IFRD2: variants seen among roughly 807,000 people sequenced by gnomAD.
IFRD2 encodes interferon related developmental regulator 2.
In IFRD2, 35 loss-of-function variants were observed where a neutral mutation model predicts 49.2. That is an observed-to-expected ratio of 0.71 (90% CI 0.54 to 0.94). The LOEUF is 0.94. Among genes scored for constraint, IFRD2 ranks in the 40% least tolerant of loss-of-function variants. The pLI is 0.00. For missense variants in IFRD2, 561 were observed against 591.6 expected, an observed-to-expected ratio of 0.95 and a Z score of 0.54; for synonymous variants, 275 against 239.7, an observed-to-expected ratio of 1.15 and a Z score of -1.36.
In IFRD2 at chr3:50,288,997, G is replaced by A; in HGVS notation, c.886-60C>T. 4 of 1,584,184 alleles carry A rather than the reference G, an allele frequency of 2.5e-6. No individual in the cohort carries two copies. The East Asian group carries it at 9.1e-5, about 36-fold the overall frequency. On this transcript the variant is annotated intron_variant, in intron 8 of 11. Coordinates refer to ENST00000417626, the MANE Select transcript of IFRD2 (RefSeq NM_006764.5). The stretch of plus-strand genomic sequence containing the variant: ...GCTTGAGCTCTGCTGGCTCTGAACA[G>A]GGCACTGCCCAAACCCCTCCTTTCA...
chr3:50,288,240 C>T lies in IFRD2; in HGVS notation c.1280G>A (p.Arg427Gln), dbSNP rs199751197. The stretch of plus-strand genomic sequence containing the variant: ...CCGCACACGGCTTCGAGCCTTGGTC[C>T]GGGCTTTGAAGGCAGCAGCATTGTA... ...HLYNAAAFKARTKARSRVRDK... is the reference protein window; with the variant it reads ...HLYNAAAFKAQTKARSRVRDK... The change falls in exon 12 of 12, where the codon CGG becomes CAG. Residue 427 changes from arginine (R) to glutamine (Q), a missense_variant. Arg to Gln is a conservative substitution (Grantham distance 43). Transcript: ENST00000417626. The T allele has an allele frequency of 2.7e-5, 43 of 1,613,884 alleles. 1 individual carries two copies. The highest frequency in any genetic ancestry group is 4.5e-5 in the East Asian group (2 of 44,874).
chr3:50,289,846 A>G lies in IFRD2; in HGVS notation c.546+83T>C, dbSNP rs77775839. 1.1e-3 allele frequency: 1,678 copies of G among 1,591,584 alleles called. 14 individuals carry two copies. The African/African-American group carries it at 0.02, about 19-fold the overall frequency. On this transcript the variant is annotated intron_variant, in intron 5 of 11. Coordinates refer to ENST00000417626, the MANE Select transcript of IFRD2 (RefSeq NM_006764.5). Reference sequence around the variant, plus strand: ...CTGGAGCTCACTCCCCTCAGAGTAAAGGAGGCTGAAGATAGGGGGAACCCA... The same window carrying G: ...CTGGAGCTCACTCCCCTCAGAGTAAGGGAGGCTGAAGATAGGGGGAACCCA...
rs1352303115 is a variant in IFRD2, at chr3:50,288,408, CCTT to C, written c.1246_1248del (p.Lys416del). On this transcript the variant is annotated inframe_deletion and splice_region_variant, in exon 11 of 12. Transcript: ENST00000417626. The stretch of plus-strand genomic sequence containing the variant: ...AGAGAAAGGTGCCCAAGGGTGCAAA[CCTT>C]CTCAAAGCGTGGAACCTTGCAGGCC... The C allele has an allele frequency of 1.9e-6, 3 of 1,612,014 alleles. No individual in the cohort carries two copies. The highest frequency in any genetic ancestry group is 2.7e-5 in the African/African-American group (2 of 74,898).
chr3:50,291,893 A>G, intron 1 of IFRD2: 1 of 352,266 alleles, frequency 2.8e-6, no homozygotes, highest in Non-Finnish European at 5.2e-6. Flanking sequence ...AGTCCAGGAA[A>G]GGATCAGGGT....
At chr3:50,289,096 T>C in intron 8 of IFRD2, 159 bp from the exon 9 acceptor site, 1 of 1,181,202 alleles carries the variant, frequency 8.5e-7, no homozygotes, top group Non-Finnish European at 1.2e-6. Context: ...ACACCACTGC[T>C]GAGGGCACCC....
In IFRD2 at chr3:50,289,949, T is replaced by C. The variant is rs587602168; in HGVS notation, c.526A>G (p.Ser176Gly). 7.4e-6 allele frequency: 12 copies of C among 1,613,236 alleles called. No individual in the cohort carries two copies. In the South Asian group the frequency reaches 9.9e-5, roughly 13 times the overall value. Residue 176 changes from serine to glycine, a missense_variant, in exon 5 of 12, where the codon AGC (serine) becomes GGC (glycine). Physicochemically the swap from Ser to Gly is moderately conservative, Grantham distance 56. Transcript: ENST00000417626. ...LVSVLSDSTA[S>G]PAARLHCASA... ...CTCACGTGGAGCCGGGCAGCAGGGCTAGCTGTGCTGTCACTGAGCACAGAG... is the reference window on the plus strand; with the variant it reads ...CTCACGTGGAGCCGGGCAGCAGGGCCAGCTGTGCTGTCACTGAGCACAGAG...
At chr3:50,289,422 C>T (rs782269624) in intron 7 of IFRD2, 25 bp downstream of exon 7, 5 of 1,568,814 alleles carry the variant, frequency 3.2e-6, no homozygotes, top group Admixed American at 3.8e-5. Context: ...ATCCCCTCCC[C>T]CTCCCAGTGG....
Position 50,288,048 on chromosome 3 carries a change from A to G in IFRD2, c.*143T>C, listed in dbSNP as rs1025125129. The G allele has an allele frequency of 2.6e-6, 2 of 760,768 alleles. No individual in the cohort carries two copies. The highest frequency in any genetic ancestry group is 3.5e-5 in the African/African-American group (2 of 57,702). 47.1% of individuals were successfully genotyped at this position (760,768 alleles called of 1,614,324 possible). ...CAGGGTCCCAAGTGTCCGGGCCCCC[A>G]GCTACCCACCCCATGTCTGTTTTTG... is the stretch of plus-strand genomic sequence containing the variant. On this transcript the variant is annotated 3_prime_UTR_variant, in exon 12 of 12. Transcript: ENST00000417626.
intron 1 of IFRD2, chr3:50,291,928 C>T (rs782666672): frequency 1.6e-5 from 7 of 449,598 alleles, no homozygotes; most frequent in Non-Finnish European, 2.8e-5. Context: ...GGCTTCCTGC[C>T]CTGTCCGGTG....
chr3:50,291,082 G>A (rs1248246724), intron 1 of IFRD2, among the ~76,000 whole-genome samples: 1 of 148,626 alleles, frequency 6.7e-6, no homozygotes, highest in African/African-American at 2.5e-5. Context: ...ACGCCATCTC[G>A]GCTCACTGCG....
At chr3:50,289,054 T>C (rs1315983473) in intron 8 of IFRD2, 117 bp from the exon 9 acceptor site, 2 of 1,412,936 alleles carry the variant, frequency 1.4e-6, no homozygotes, top group Non-Finnish European at 1.9e-6. Flanking sequence ...GCCTGGCCCC[T>C]TTGACCCCTC....
chr3:50,289,813 T>G, intron 5 of IFRD2, 51 bp from the exon 6 acceptor site: 1 of 1,586,894 alleles, frequency 6.3e-7, no homozygotes, highest in South Asian at 1.1e-5. Context: ...GAACCTGGGT[T>G]CCCAGCCCTG....
rs782059087 is a variant in IFRD2 at position 50,290,261 on chromosome 3, C to T, written c.297G>A (p.Leu99=). ...AKTRQGALES[L]RLALASRLLP... is the part of the protein sequence containing the mutation. ...GTAGGCGGGACGCTAGGGCCAGGCG[C>T]AGGCTCTCAAGAGCACCCTGCCGGG... The change falls in exon 4 of 12, where the codon CTG becomes CTA. Residue 99 remains leucine (L), a synonymous_variant. Transcript: ENST00000417626. 4 of 1,612,504 alleles carry T rather than the reference C, an allele frequency of 2.5e-6. No homozygotes were observed. In the African/African-American group the frequency reaches 5.3e-5, roughly 22 times the overall value.
rs1254245792 is a variant in IFRD2 at position 50,290,675 on chromosome 3, G to A, written c.63C>T (p.Ala21=). Residue 21 remains alanine (A), a synonymous_variant, in exon 2 of 12, where the codon GCC becomes GCT. Transcript: ENST00000417626. ...CCGAGTCAGCTTGGGCACTGCTCCG[G>A]GCACCTGGAGAAGGTGGAATAGGAC... ...RKGGQRRGGG[A]RSSAQADSGS... The A allele has an allele frequency of 1.2e-6, 2 of 1,613,374 alleles. No homozygotes were observed. Among genetic ancestry groups the A allele is most frequent in the Non-Finnish European group, 1.7e-6 (2 of 1,179,730 alleles).
intron 8 of IFRD2, 135 bp from the exon 9 acceptor site, chr3:50,289,072 TC>T (rs1473401256): frequency 1.5e-6 from 2 of 1,325,636 alleles, no homozygotes; most frequent in Non-Finnish European, 2.1e-6. Context: ...CTCCTTGGCC[TC>T]TGTCAGGCCA....
intron 5 of IFRD2, 57 bp from the exon 6 acceptor site, chr3:50,289,819 C>G: frequency 6.3e-7 from 1 of 1,585,492 alleles, no homozygotes; most frequent in Non-Finnish European, 8.6e-7. Flanking sequence ...GGGTTCCCAG[C>G]CCTGGAGCTC....
Position 50,288,820 on chromosome 3 carries a change from C to A in IFRD2, c.1003G>T (p.Ala335Ser), listed in dbSNP as rs587761145. ...CACACCTCCACGGAGTGCAGCACGGCGCGGAAAGTAGAGCGCTGGCGCCGA... is the reference window on the plus strand; with the variant it reads ...CACACCTCCACGGAGTGCAGCACGGAGCGGAAAGTAGAGCGCTGGCGCCGA... ...DRRRQRSTFR[A>S]VLHSVEGGEC... The change falls in exon 9 of 12, where the codon GCC (alanine) becomes TCC (serine). Residue 335 changes from alanine to serine, a missense_variant. Transcript: ENST00000417626. 3 of 1,613,206 alleles carry A rather than the reference C, an allele frequency of 1.9e-6. No homozygotes were observed. The African/African-American group carries it at 4.0e-5, about 22-fold the overall frequency.
rs34364099 is a variant in IFRD2, at chr3:50,289,579, T to C, written c.647A>G (p.Tyr216Cys). ...ACLESVFSRF[Y>C]GLGGSSTSPV... ...ACTTGTGGAGCTGCCCCCCAAGCCA[T>C]AGAACCGGCTGAAAACACTTTCTAA... Residue 216 changes from tyrosine (Y) to cysteine (C), a missense_variant, in exon 7 of 12, where the codon TAT becomes TGT. Physicochemically the swap from Tyr to Cys is radical, Grantham distance 194. Coordinates refer to ENST00000417626, the MANE Select transcript of IFRD2 (RefSeq NM_006764.5). 5.7e-3 allele frequency: 9,032 copies of C among 1,588,426 alleles called. 46 individuals are homozygous for C. The highest frequency in any genetic ancestry group is 6.5e-3 in the Non-Finnish European group (7,619 of 1,167,876).
At chr3:50,290,810 G>A (rs1575491551) in intron 1 of IFRD2, 131 bp from the exon 2 acceptor site, 1 of 1,218,030 alleles carries the variant, frequency 8.2e-7, no homozygotes, top group Admixed American at 2.0e-5. Flanking sequence ...AAAGCCAAGG[G>A]TCAGTTCAGT....
Sources: gnomAD v4.1 joint callset for allele counts (sites outside exome capture counted in the v4.1 genomes callset) on GRCh38, gnomAD v4.1.1 for gene constraint, MANE v1.5 for transcripts, NCBI Gene and HGNC (gene_info 2026-07-23, HGNC 2026-07-21) for gene names.